The following CMTM7 variants were observed in gnomAD, a reference collection of about 807,000 sequenced individuals.
CMTM7 encodes the protein CKLF-like MARVEL transmembrane domain-containing protein 7.
A neutral mutation model predicts 19.3 loss-of-function variants in CMTM7; 7 were observed. That is an observed-to-expected ratio of 0.36 (90% CI 0.21 to 0.68). CMTM7 has a LOEUF of 0.68. CMTM7 is among the 30% of genes least tolerant of loss of function. The pLI is 0.60. For missense variants in CMTM7, 193 were observed against 232.6 expected, an observed-to-expected ratio of 0.83 and a Z score of 1.11; for synonymous variants, 87 against 99.3, an observed-to-expected ratio of 0.88 and a Z score of 0.74.
chr3:32,442,498 CAAAAAAAAAAAAAA>C (rs59568281), intron 2 of CMTM7, among the ~76,000 whole-genome samples: 2 of 80,050 alleles, frequency 2.5e-5, no homozygotes, highest in African/African-American at 4.9e-5. Flanking sequence ...AGACTCCTCT[CAAAAAAAAAAAAAA>C]AAAAAAAAAA....
At chr3:32,405,101 G>A (rs1013665571) in intron 1 of CMTM7, among the ~76,000 whole-genome samples, 2 of 152,224 alleles carry the variant, frequency 1.3e-5, no homozygotes, top group Non-Finnish European at 1.5e-5. Flanking sequence ...ATGGTTACAA[G>A]AAACTGAAAG....
chr3:32,404,097 C>CA (rs1318693834), intron 1 of CMTM7, among the ~76,000 whole-genome samples: 1 of 150,888 alleles, frequency 6.6e-6, no homozygotes. Context: ...ATTATGTCTG[C>CA]TGATTTTACA....
In CMTM7 at chr3:32,454,381, G is replaced by GCT. The variant is rs1396046464; in HGVS notation, c.*128_*129insTC. 35 of 1,150,952 alleles carry GCT rather than the reference G, an allele frequency of 3.0e-5. No individual in the cohort carries two copies. The highest frequency in any genetic ancestry group is 1.9e-4 in the Middle Eastern group (1 of 5,228). The allele number at this position is 1,150,952 out of a possible 1,614,324, so 71.3% of individuals were successfully genotyped here. ...GGCTGGTGGGCACCAGGAAAGGCCTGCACCCTCTTCCTGCTCTCCCAGGAA... is the reference window on the plus strand; with the variant it reads ...GGCTGGTGGGCACCAGGAAAGGCCTGCTCACCCTCTTCCTGCTCTCCCAGGAA... On this transcript the variant is annotated 3_prime_UTR_variant, in exon 5 of 5. Transcript: ENST00000334983.
In CMTM7 at chr3:32,455,192, C is replaced by T. The variant is rs1451742672; in HGVS notation, c.*938C>T. 6.6e-6 allele frequency: 1 copy of T among 152,258 alleles called. No individual in the cohort carries two copies. The highest frequency in any genetic ancestry group is 2.4e-5 in the African/African-American group (1 of 41,426). The allele number at this position is 152,258 out of a possible 1,614,324, so 9.4% of individuals were successfully genotyped here. On this transcript the variant is annotated 3_prime_UTR_variant, in exon 5 of 5. Coordinates refer to ENST00000334983, the MANE Select transcript of CMTM7 (RefSeq NM_138410.4). ...CGCTGATCTTGAGCTGCTCAGTTGG[C>T]TAGAAAAAGGAGGGATGGAACAATG...
At chr3:32,401,158 TTTAAATGCTC>T in intron 1 of CMTM7, among the ~76,000 whole-genome samples, 2 of 152,354 alleles carry the variant, frequency 1.3e-5, no homozygotes, top group Middle Eastern at 6.8e-3. Flanking sequence ...CAAAAATGCT[TTTAAATGCTC>T]TTGTATTTAA....
At chr3:32,395,039 C>G (rs1266388198) in intron 1 of CMTM7, among the ~76,000 whole-genome samples, 1 of 151,542 alleles carries the variant, frequency 6.6e-6, no homozygotes, top group African/African-American at 2.4e-5. Context: ...GGGTCTTGCT[C>G]TGTCACCCAG....
chr3:32,435,008 G>A (rs561352354), intron 1 of CMTM7, among the ~76,000 whole-genome samples: 1 of 152,314 alleles, frequency 6.6e-6, no homozygotes, highest in Admixed American at 6.5e-5. Context: ...TGTGGAGGGA[G>A]ACAGGTATCT....
intron 1 of CMTM7, among the ~76,000 whole-genome samples, chr3:32,422,352 C>A (rs1349582424): frequency 6.6e-6 from 1 of 152,216 alleles, no homozygotes; most frequent in African/African-American, 2.4e-5. Context: ...CTGGCACGGG[C>A]CCAGGGCTGG....
rs796825427 is a variant in CMTM7, at chr3:32,399,263, G to GTTTT, written c.159+7210_159+7213dup. ...ATTTTGGAATTTTATGGAACCTTTT[G>GTTTT]TTTTTTTTTTTTTTTGGTTGTCACA... is the stretch of plus-strand genomic sequence containing the variant. On this transcript the variant is annotated intron_variant, in intron 1 of 4. Transcript: ENST00000334983. Among the ~76,000 whole-genome samples, 537 of 128,470 alleles carry GTTTT rather than the reference G, an allele frequency of 4.2e-3. 3 individuals are homozygous for GTTTT. Among genetic ancestry groups the GTTTT allele is most frequent in the African/African-American group, 0.014 (491 of 36,058 alleles). The allele number at this position is 128,470 out of a possible 152,430, so 84.3% of individuals were successfully genotyped here. A position where few individuals can be genotyped will look rare whatever the true frequency, so the allele number is the denominator to read the frequency against.
At chr3:32,425,789 G>A (rs1696422590) in intron 1 of CMTM7, among the ~76,000 whole-genome samples, 1 of 152,192 alleles carries the variant, frequency 6.6e-6, no homozygotes, top group Non-Finnish European at 1.5e-5. Context: ...GGTTGGGTGT[G>A]TAATTTTAAC....
In CMTM7 at chr3:32,391,915, C is replaced by T; in HGVS notation, c.9C>T (p.His3=). 1 of 1,223,528 alleles carries T rather than the reference C, an allele frequency of 8.2e-7. No individual in the cohort carries two copies. Among genetic ancestry groups the T allele is most frequent in the South Asian group, 4.1e-5 (1 of 24,268 alleles). 75.8% of individuals were successfully genotyped at this position (1,223,528 alleles called of 1,614,324 possible). A position where few individuals can be genotyped will look rare whatever the true frequency, so the allele number is the denominator to read the frequency against. Residue 3 remains histidine (H), a synonymous_variant, in exon 1 of 5, where the codon CAC becomes CAT. Transcript: ENST00000334983. Reference sequence around the variant, plus strand: ...CGAGCTGGGGCCGCGCAATGTCGCACGGAGCCGGGCTCGTCCGCACCACGT... The same window carrying T: ...CGAGCTGGGGCCGCGCAATGTCGCATGGAGCCGGGCTCGTCCGCACCACGT... MS[H]GAGLVRTTCS...
chr3:32,427,363 A>T (rs1696448661), intron 1 of CMTM7, among the ~76,000 whole-genome samples: 3 of 152,032 alleles, frequency 2.0e-5, no homozygotes, highest in African/African-American at 7.2e-5. Flanking sequence ...CTGGATCTGA[A>T]GGAAGTTTCT....
intron 1 of CMTM7, among the ~76,000 whole-genome samples, chr3:32,417,992 T>G (rs1227412368): frequency 6.6e-6 from 1 of 152,136 alleles, no homozygotes; most frequent in African/African-American, 2.4e-5. Context: ...TAGCTAATTT[T>G]TGTATTTTTT....
At chr3:32,429,820 T>C (rs911416730) in intron 1 of CMTM7, among the ~76,000 whole-genome samples, 3 of 151,988 alleles carry the variant, frequency 2.0e-5, no homozygotes, top group Admixed American at 1.3e-4. Flanking sequence ...AGGAAGGTCT[T>C]GATCTCCTGA....
chr3:32,392,191 G>C (rs1695846120), intron 1 of CMTM7, 126 bp downstream of exon 1: 7 of 738,260 alleles, frequency 9.5e-6, no homozygotes, highest in Non-Finnish European at 1.3e-5. Flanking sequence ...AGCGGGCGGG[G>C]CACCGCGTCG....
intron 1 of CMTM7, among the ~76,000 whole-genome samples, chr3:32,425,380 G>A (rs1696415222): frequency 1.3e-5 from 2 of 151,890 alleles, no homozygotes; most frequent in Admixed American, 6.6e-5. Context: ...ACCTCATCAG[G>A]GAGCCTGTGG....
chr3:32,398,010 G>A (rs1193623605), intron 1 of CMTM7, among the ~76,000 whole-genome samples: 2 of 152,192 alleles, frequency 1.3e-5, no homozygotes, highest in East Asian at 3.9e-4. Flanking sequence ...ACAGATGAGT[G>A]TAAGTTTTCA....
intron 1 of CMTM7, among the ~76,000 whole-genome samples, chr3:32,411,038 C>A (rs542307679): frequency 6.6e-6 from 1 of 152,204 alleles, no homozygotes; most frequent in Non-Finnish European, 1.5e-5. Context: ...CTGGCAGAGG[C>A]GCTACCTTAA....
chr3:32,439,962 C>T (rs1204169453), intron 1 of CMTM7, among the ~76,000 whole-genome samples: 2 of 152,156 alleles, frequency 1.3e-5, no homozygotes, highest in East Asian at 3.8e-4. Flanking sequence ...ACCCCCATCC[C>T]CGCAAATTGT....
Sources: allele counts gnomAD v4.1 joint callset (sites outside exome capture counted in the v4.1 genomes callset), GRCh38; gene constraint gnomAD v4.1.1; transcripts MANE v1.5; gene names NCBI Gene and HGNC (gene_info 2026-07-23, HGNC 2026-07-21).